FBN2: variants seen among roughly 807,000 people sequenced by gnomAD.
The protein encoded by FBN2 is fibrillin-2.
In FBN2, 105 loss-of-function variants were observed where a neutral mutation model predicts 355.6. That is an observed-to-expected ratio of 0.30 (90% CI 0.25 to 0.35). FBN2 has a LOEUF of 0.35. Among genes scored for constraint, FBN2 ranks in the 10% least tolerant of loss-of-function variants. The probability of loss-of-function intolerance (pLI) is 1.00; values close to 1 mark genes in which losing one functional copy is unlikely to be tolerated. For missense variants in FBN2, 3,280 were observed against 3,758.7 expected (o/e 0.87, Z 3.33); for synonymous variants, 1,350 against 1,301.2 (o/e 1.04, Z -0.81).
At chr5:128,490,264 A>G (rs764371) in intron 5 of FBN2, among the ~76,000 whole-genome samples, 8,756 of 152,320 alleles carry the variant, frequency 0.057, 341 homozygotes, top group South Asian at 0.088. Context: ...ATCCAATTTC[A>G]TATCAACTCT....
chr5:128,294,059 T>C (rs1301872411), intron 48 of FBN2, among the ~76,000 whole-genome samples: 15 of 150,484 alleles, frequency 1.0e-4, no homozygotes, highest in Admixed American at 1.3e-4. Flanking sequence ...CATTGTTCAA[T>C]TCCCACCTAT....
rs886039200 is a variant in FBN2, at chr5:128,288,559, T to G, written c.6638-2A>C. On this transcript the variant is annotated splice_acceptor_variant, in intron 52 of 64. Coordinates refer to ENST00000262464, the MANE Select transcript of FBN2 (RefSeq NM_001999.4). LOFTEE classifies it high-confidence loss of function. The stretch of plus-strand genomic sequence containing the variant: ...TGCCGATTGAACACTCATCAGTATC[T>G]GAAAAAGAAGAATAAGAAACTGCCA... 6.2e-7 allele frequency: 1 copy of G among 1,613,330 alleles called. No homozygotes were observed.
At position 128,349,483 on chromosome 5, in the gene FBN2, A is replaced by G; in HGVS notation, c.2864-11T>C. The G allele has an allele frequency of 6.2e-7, 1 of 1,613,780 alleles. No individual in the cohort carries two copies. On this transcript the variant is annotated splice_polypyrimidine_tract_variant and intron_variant, in intron 22 of 64. Coordinates refer to ENST00000262464, the MANE Select transcript of FBN2 (RefSeq NM_001999.4). ...CACACTCATTAACATCTGCAGGGAA[A>G]TGCAGCAAGCAGAGGAGCAAAGATG...
intron 7 of FBN2, among the ~76,000 whole-genome samples, chr5:128,429,562 T>A (rs1269036943): frequency 6.6e-6 from 1 of 152,110 alleles, no homozygotes; most frequent in African/African-American, 2.4e-5. Flanking sequence ...GCATAAAGGA[T>A]CTATACACAA....
At chr5:128,514,322 A>T (rs566577220) in intron 5 of FBN2, among the ~76,000 whole-genome samples, 1 of 152,222 alleles carries the variant, frequency 6.6e-6, no homozygotes, top group Admixed American at 6.5e-5. Flanking sequence ...CATTCATTTG[A>T]CTGAAAGAAA....
intron 5 of FBN2, among the ~76,000 whole-genome samples, chr5:128,473,213 C>T (rs1253878800): frequency 6.6e-6 from 1 of 152,170 alleles, no homozygotes; most frequent in African/African-American, 2.4e-5. Flanking sequence ...CACCAATTTA[C>T]ACTGTCATCA....
At chr5:128,446,314 A>G in intron 7 of FBN2, 167 bp downstream of exon 7, 1 of 652,454 alleles carries the variant, frequency 1.5e-6, no homozygotes. Context: ...CAAACCCACT[A>G]AGGCTACAAT....
In FBN2 at chr5:128,402,482, C is replaced by T. The variant is rs185316920; in HGVS notation, c.1078+6192G>A. ...ATTAAAATATAAATCTATTTTGAAA[C>T]GTAATAAAGGTACACTTATCAGAGT... is the stretch of plus-strand genomic sequence containing the variant. On this transcript the variant is annotated intron_variant, in intron 8 of 64. Coordinates refer to ENST00000262464, the MANE Select transcript of FBN2 (RefSeq NM_001999.4). 2.9e-3 allele frequency among the ~76,000 whole-genome samples: 431 copies of T among 151,214 alleles called. 2 individuals carry two copies. The highest frequency in any genetic ancestry group is 0.01 in the Middle Eastern group (3 of 290).
In FBN2 at chr5:128,537,681, G is replaced by A; in HGVS notation, c.-78C>T. ...GACAAAATCTGCGCGCCTCAGAAAA[G>A]AGTCAGGGTCTAATAAGCCCTTCGT... On this transcript the variant is annotated 5_prime_UTR_variant, in exon 1 of 65. Coordinates refer to ENST00000262464, the MANE Select transcript of FBN2 (RefSeq NM_001999.4). 1 of 1,433,574 alleles carries A rather than the reference G, an allele frequency of 7.0e-7. No homozygotes were observed. Among genetic ancestry groups the A allele is most frequent in the East Asian group, 2.4e-5 (1 of 41,668 alleles). The allele number at this position is 1,433,574 out of a possible 1,614,324, so 88.8% of individuals were successfully genotyped here.
intron 5 of FBN2, among the ~76,000 whole-genome samples, chr5:128,505,974 T>C (rs894245084): frequency 6.6e-6 from 1 of 152,186 alleles, no homozygotes; most frequent in African/African-American, 2.4e-5. Context: ...TAAGCTTTCA[T>C]TTAGCTGGGG....
At chr5:128,416,399 A>C (rs1267108761) in intron 7 of FBN2, among the ~76,000 whole-genome samples, 1 of 152,232 alleles carries the variant, frequency 6.6e-6, no homozygotes, top group Non-Finnish European at 1.5e-5. Context: ...TTCGCTGTTC[A>C]GAAGCTTTTA....
At position 128,527,955 on chromosome 5, in the gene FBN2, C is replaced by T. The variant is rs779482726; in HGVS notation, c.449G>A (p.Ser150Asn). The change falls in exon 4 of 65, where the codon AGT becomes AAT. Residue 150 changes from serine to asparagine, a missense_variant. Physicochemically the swap from Ser to Asn is conservative, Grantham distance 46. Around this residue, in one of 6 missense-constraint regions of FBN2, gnomAD observed 130 missense variants for 189.9 expected, o/e 0.68. Transcript: ENST00000262464. The stretch of plus-strand genomic sequence containing the variant: ...GGTCCCACCATTCATGCATCTCACA[C>T]TGCACTGCTGAACTGCAAAGAGCAA... ...TCGSKSIQQC[S>N]VRCMNGGTCA... The T allele has an allele frequency of 6.2e-7, 1 of 1,610,576 alleles. No homozygotes were observed. Among genetic ancestry groups the T allele is most frequent in the Non-Finnish European group, 8.5e-7 (1 of 1,177,174 alleles).
At chr5:128,474,276 G>T (rs952415800) in intron 5 of FBN2, among the ~76,000 whole-genome samples, 3 of 152,188 alleles carry the variant, frequency 2.0e-5, no homozygotes, top group Non-Finnish European at 4.4e-5. Flanking sequence ...GAAAGTTAAA[G>T]AGATGAAAAT....
chr5:128,520,785 C>T (rs1222599084), intron 4 of FBN2, among the ~76,000 whole-genome samples: 5 of 152,254 alleles, frequency 3.3e-5, no homozygotes, highest in Admixed American at 1.3e-4. Flanking sequence ...TTCTGTGTGT[C>T]TCTGCACAAG....
chr5:128,393,276 A>G lies in FBN2; in HGVS notation c.1324T>C (p.Phe442Leu). The G allele has an allele frequency of 6.2e-7, 1 of 1,614,104 alleles. No individual in the cohort carries two copies. Among genetic ancestry groups the G allele is most frequent in the Non-Finnish European group, 8.5e-7 (1 of 1,179,984 alleles). ...CCATTGCCATTGCCACTTGGGGCAA[A>G]GCCATTTCCCCCAGTGCCTCCAGGT... Reference protein sequence around the residue: ...SRPGGTGGNGFAPSGNGNGYG... With the variant: ...SRPGGTGGNGLAPSGNGNGYG... Residue 442 changes from phenylalanine (F) to leucine (L), a missense_variant, in exon 10 of 65, where the codon TTT (phenylalanine) becomes CTT (leucine). By Grantham distance (22) the Phe-to-Leu change is conservative (BLOSUM62 0). Transcript: ENST00000262464.
At chr5:128,341,584 T>C (rs1751022488) in intron 25 of FBN2, among the ~76,000 whole-genome samples, 1 of 152,210 alleles carries the variant, frequency 6.6e-6, no homozygotes, top group African/African-American at 2.4e-5. Flanking sequence ...AGATTGGTCC[T>C]GCAGGTACCT....
At chr5:128,353,163 G>A (rs975508654) in intron 20 of FBN2, among the ~76,000 whole-genome samples, 40 of 148,944 alleles carry the variant, frequency 2.7e-4, no homozygotes, top group Admixed American at 2.0e-4. Flanking sequence ...GTGAGACCCT[G>A]TCTTCCAAAA....
chr5:128,260,397 G>A (rs148607486), intron 64 of FBN2, among the ~76,000 whole-genome samples: 2 of 152,260 alleles, frequency 1.3e-5, no homozygotes, highest in East Asian at 3.9e-4. Context: ...AGCATCTTTG[G>A]TAAAAGCCAG....
intron 7 of FBN2, among the ~76,000 whole-genome samples, chr5:128,413,161 G>C (rs1332344198): frequency 6.6e-6 from 1 of 152,196 alleles, no homozygotes. Flanking sequence ...ACTTAGCAAA[G>C]AGGTAAATTA....
Sources: gnomAD v4.1 joint callset for allele counts (sites outside exome capture counted in the v4.1 genomes callset) on GRCh38, gnomAD v4.1.1 for gene constraint, gnomAD v4.1.1 regional missense constraint, MANE v1.5 for transcripts, NCBI Gene and HGNC (gene_info 2026-07-23, HGNC 2026-07-21) for gene names.